TMEM117: variants seen among roughly 807,000 people sequenced by gnomAD.
The protein encoded by TMEM117 is transmembrane protein 117.
In TMEM117, 27 loss-of-function variants were observed where a neutral mutation model predicts 52.4. The ratio of observed to expected loss-of-function variants is 0.51; its 90% CI spans 0.38 to 0.71. TMEM117 has a LOEUF of 0.71. TMEM117 is among the 30% of genes least tolerant of loss of function. TMEM117 has a pLI of 0.00. For missense variants in TMEM117, 556 were observed against 630.5 expected (o/e 0.88, Z 1.26); for synonymous variants, 215 against 206.3 (o/e 1.04, Z -0.36).
Position 44,142,611 on chromosome 12 carries a change from C to T in TMEM117, c.411-914C>T, listed in dbSNP as rs940113357. 5.3e-5 allele frequency among the ~76,000 whole-genome samples: 8 copies of T among 151,930 alleles called. No homozygotes were observed. The South Asian group carries it at 1.2e-3, about 24-fold the overall frequency. ...TAAGAAGAATTAAGTTTTACCAATA[C>T]TCTAAATTGTACAGGTATTATTATG... On this transcript the variant is annotated intron_variant, in intron 3 of 7. Coordinates refer to ENST00000266534, the MANE Select transcript of TMEM117 (RefSeq NM_032256.3).
chr12:44,169,803 G>A (rs1028760285), intron 4 of TMEM117, among the ~76,000 whole-genome samples: 1 of 152,104 alleles, frequency 6.6e-6, no homozygotes, highest in Non-Finnish European at 1.5e-5. Context: ...AACAGGTGCT[G>A]GAGAGGACGT....
intron 3 of TMEM117, among the ~76,000 whole-genome samples, chr12:44,126,647 G>C (rs77437602): frequency 6.6e-6 from 1 of 152,308 alleles, no homozygotes; most frequent in East Asian, 1.9e-4. Flanking sequence ...CAGTGCGCTA[G>C]TTGCAGTATT....
intron 4 of TMEM117, among the ~76,000 whole-genome samples, chr12:44,143,829 A>T (rs1435024112): frequency 6.6e-6 from 1 of 152,190 alleles, no homozygotes; most frequent in Non-Finnish European, 1.5e-5. Context: ...AATACAAGTA[A>T]TGGCACTCCA....
chr12:44,011,847 T>C (rs58127080), intron 3 of TMEM117, among the ~76,000 whole-genome samples: 1,696 of 152,314 alleles, frequency 0.011, 36 homozygotes, highest in African/African-American at 0.039. Context: ...TGTTCTCTGA[T>C]AAGTGAGAAG....
rs536145997 is a variant in TMEM117, at chr12:44,065,344, C to T, written c.411-78181C>T. Among the ~76,000 whole-genome samples the T allele has an allele frequency of 2.6e-5, 4 of 152,098 alleles. 1 individual carries two copies. Among genetic ancestry groups the T allele is most frequent in the African/African-American group, 9.6e-5 (4 of 41,498 alleles). On this transcript the variant is annotated intron_variant, in intron 3 of 7. Transcript: ENST00000266534. ...CGGAGGTTGCAGTGAGCCGAGATCA[C>T]ACCACTGCACTCCAGCCTGGGCTAC... is the stretch of plus-strand genomic sequence containing the variant.
At chr12:43,839,913 A>T (rs1041038239) in intron 1 of TMEM117, among the ~76,000 whole-genome samples, 40 of 152,330 alleles carry the variant, frequency 2.6e-4, no homozygotes, top group African/African-American at 8.9e-4. Flanking sequence ...TAAAATACAG[A>T]CCAACACTTT....
chr12:44,084,571 T>G (rs904213452), intron 3 of TMEM117, among the ~76,000 whole-genome samples: 2 of 152,212 alleles, frequency 1.3e-5, no homozygotes, highest in African/African-American at 4.8e-5. Context: ...TCTTTCATTC[T>G]TTCCCTCATC....
chr12:44,376,474 C>A, intron 6 of TMEM117, 121 bp from the exon 7 acceptor site: 3 of 1,185,064 alleles, frequency 2.5e-6, no homozygotes, highest in East Asian at 2.4e-5. Context: ...ACTGATATAT[C>A]CAACAGCTGG....
At position 43,967,129 on chromosome 12, in the gene TMEM117, C is replaced by G. The variant is rs922688705; in HGVS notation, c.410+22787C>G. ...TAAAAGCAATGCCATGTTACTTCTT[C>G]TTCTTTTTTTTTTTTTGAGTGAGGC... On this transcript the variant is annotated intron_variant, in intron 3 of 7. Transcript: ENST00000266534. 1.2e-4 allele frequency among the ~76,000 whole-genome samples: 3 copies of G among 25,240 alleles called. No individual in the cohort carries two copies. In the Admixed American group the frequency reaches 2.2e-3, roughly 19 times the overall value. The allele number at this position is 25,240 out of a possible 152,430, so 16.6% of individuals were successfully genotyped here. A position where few individuals can be genotyped will look rare whatever the true frequency, so the allele number is the denominator to read the frequency against.
At chr12:43,969,660 G>A (rs983130541) in intron 3 of TMEM117, among the ~76,000 whole-genome samples, 3 of 151,992 alleles carry the variant, frequency 2.0e-5, no homozygotes, top group Non-Finnish European at 2.9e-5. Flanking sequence ...TCACTAAAAG[G>A]TTTCTGTGCC....
At chr12:43,918,181 G>C (rs1479102823) in intron 2 of TMEM117, among the ~76,000 whole-genome samples, 2 of 152,088 alleles carry the variant, frequency 1.3e-5, no homozygotes, top group Admixed American at 1.3e-4. Flanking sequence ...CTGTTACAAG[G>C]GGGACGTCAT....
At chr12:44,000,586 G>A (rs1365065487) in intron 3 of TMEM117, among the ~76,000 whole-genome samples, 1 of 152,112 alleles carries the variant, frequency 6.6e-6, no homozygotes, top group African/African-American at 2.4e-5. Flanking sequence ...ACAGGCCTGG[G>A]CAACTGGGCT....
chr12:44,208,725 G>GTTTTTTTTTTTTTT (rs5797892), intron 4 of TMEM117, among the ~76,000 whole-genome samples: 2 of 68,828 alleles, frequency 2.9e-5, no homozygotes, highest in Non-Finnish European at 5.5e-5. Flanking sequence ...CAGAAAGAAT[G>GTTTTTTTTTTTTTT]TTTTTTTTTT....
rs185379899 is a variant in TMEM117 at position 44,287,902 on chromosome 12, A to G, written c.609-11678A>G. On this transcript the variant is annotated intron_variant, in intron 5 of 7. Transcript: ENST00000266534. ...GGATGGTATTGGGGTAGTAGTAAACATTACATAAGTTAATTGGTGGTTAAT... is the reference window on the plus strand; with the variant it reads ...GGATGGTATTGGGGTAGTAGTAAACGTTACATAAGTTAATTGGTGGTTAAT... 4.6e-5 allele frequency among the ~76,000 whole-genome samples: 7 copies of G among 152,348 alleles called. No individual in the cohort carries two copies. The East Asian group carries it at 1.2e-3, about 25-fold the overall frequency.
chr12:44,152,261 TATA>T (rs1236665519), intron 4 of TMEM117, among the ~76,000 whole-genome samples: 1 of 106,342 alleles, frequency 9.4e-6, no homozygotes, highest in East Asian at 2.9e-4. Context: ...ATATAAAATG[TATA>T]ATCATATTTA....
At chr12:43,896,865 G>A (rs560907718) in intron 2 of TMEM117, among the ~76,000 whole-genome samples, 12 of 152,250 alleles carry the variant, frequency 7.9e-5, no homozygotes, top group African/African-American at 2.9e-4. Context: ...TCAGTTTATG[G>A]TGGGTGTTTG....
intron 3 of TMEM117, among the ~76,000 whole-genome samples, chr12:44,046,576 A>G (rs963890991): frequency 6.6e-6 from 1 of 152,206 alleles, no homozygotes; most frequent in African/African-American, 2.4e-5. Flanking sequence ...AGGGAAAAAA[A>G]CCACGACCTG....
intron 6 of TMEM117, among the ~76,000 whole-genome samples, chr12:44,363,979 T>A (rs1158102137): frequency 6.6e-6 from 1 of 152,150 alleles, no homozygotes; most frequent in Non-Finnish European, 1.5e-5. Flanking sequence ...CTAAACAATT[T>A]CATAATGATG....
chr12:44,124,590 T>A (rs1219047910), intron 3 of TMEM117, among the ~76,000 whole-genome samples: 1 of 152,186 alleles, frequency 6.6e-6, no homozygotes, highest in Non-Finnish European at 1.5e-5. Flanking sequence ...AATACCTAGT[T>A]TATTGAGAGT....
Sources: gnomAD v4.1 joint callset for allele counts (sites outside exome capture counted in the v4.1 genomes callset) on GRCh38, gnomAD v4.1.1 for gene constraint, MANE v1.5 for transcripts, NCBI Gene and HGNC (gene_info 2026-07-23, HGNC 2026-07-21) for gene names.